The following CADM2 variants were observed in gnomAD, a reference collection of about 807,000 sequenced individuals.
CADM2 encodes immunoglobulin superfamily member 4D.
CADM2 carries 12 observed loss-of-function variants against 49.8 expected under a neutral mutation model. The ratio of observed to expected loss-of-function variants is 0.24; its 90% CI spans 0.15 to 0.39. The LOEUF (loss-of-function observed/expected upper bound fraction) is 0.39. CADM2 is among the 10% of genes least tolerant of loss of function. CADM2 has a pLI of 1.00. For missense variants in CADM2, 378 were observed against 492.3 expected, an observed-to-expected ratio of 0.77 and a Z score of 2.20; for synonymous variants, 214 against 175.4, an observed-to-expected ratio of 1.22 and a Z score of -1.74.
intron 8 of CADM2, among the ~76,000 whole-genome samples, chr3:85,977,564 T>C (rs940378180): frequency 1.3e-5 from 2 of 151,628 alleles, no homozygotes; most frequent in African/African-American, 4.8e-5. Context: ...GAAAATGTTT[T>C]CATTTACCTC....
chr3:85,669,097 A>G (rs1441370956), intron 1 of CADM2, among the ~76,000 whole-genome samples: 1 of 152,036 alleles, frequency 6.6e-6, no homozygotes, highest in Non-Finnish European at 1.5e-5. Flanking sequence ...TGTTTACTGT[A>G]CCTGTTCCTA....
chr3:85,541,775 T>TTATA lies in CADM2; in HGVS notation c.62-184731_62-184728dup, dbSNP rs10576590. 2.7e-3 allele frequency among the ~76,000 whole-genome samples: 234 copies of TTATA among 88,302 alleles called. 7 individuals carry two copies. The highest frequency in any genetic ancestry group is 7.3e-3 in the African/African-American group (224 of 30,728). The allele number at this position is 88,302 out of a possible 152,430, so 57.9% of individuals were successfully genotyped here. A position where few individuals can be genotyped will look rare whatever the true frequency, so the allele number is the denominator to read the frequency against. ...ATATTTTATATATATATTTTATATT[T>TTATA]TATATATATATATATATATGTATAG... is the stretch of plus-strand genomic sequence containing the variant. On this transcript the variant is annotated intron_variant, in intron 1 of 9. Coordinates refer to ENST00000383699, the MANE Select transcript of CADM2 (RefSeq NM_001167675.2).
intron 1 of CADM2, among the ~76,000 whole-genome samples, chr3:85,008,754 A>G (rs1448479511): frequency 1.3e-5 from 2 of 152,084 alleles, no homozygotes; most frequent in Admixed American, 6.6e-5. Flanking sequence ...ATATATATAT[A>G]ATTTATATGG....
At chr3:85,105,594 G>A (rs1485924167) in intron 1 of CADM2, among the ~76,000 whole-genome samples, 2 of 152,078 alleles carry the variant, frequency 1.3e-5, no homozygotes, top group Admixed American at 6.6e-5. Context: ...CCATTACTGG[G>A]TATATACCCA....
At chr3:85,417,949 T>C (rs536265428) in intron 1 of CADM2, among the ~76,000 whole-genome samples, 4 of 152,294 alleles carry the variant, frequency 2.6e-5, no homozygotes, top group South Asian at 2.1e-4. Flanking sequence ...TAAGTATCAA[T>C]GTTGCTGGTT....
intron 8 of CADM2, among the ~76,000 whole-genome samples, chr3:85,987,033 T>C (rs964109482): frequency 6.6e-6 from 1 of 152,132 alleles, no homozygotes; most frequent in Non-Finnish European, 1.5e-5. Context: ...ATATAACATA[T>C]CATTGGTTAT....
chr3:85,111,562 C>G (rs2038458262), intron 1 of CADM2, among the ~76,000 whole-genome samples: 2 of 151,686 alleles, frequency 1.3e-5, no homozygotes, highest in South Asian at 4.1e-4. Context: ...ATCTAAAAAT[C>G]AAATCAATTG....
rs1359006679 is a variant in CADM2, at chr3:85,103,878, G to C, written c.61+144210G>C. 3.3e-5 allele frequency among the ~76,000 whole-genome samples: 5 copies of C among 152,162 alleles called. 1 individual carries two copies. The highest frequency in any genetic ancestry group is 5.9e-5 in the Non-Finnish European group (4 of 68,028). On this transcript the variant is annotated intron_variant, in intron 1 of 9. Transcript: ENST00000383699. ...GGAATGTAGTGGGCTAGGATGACAT[G>C]TAAAGAAATTGGATTATTTTTGAGG...
chr3:85,674,914 A>G (rs4129299), intron 1 of CADM2, among the ~76,000 whole-genome samples: 26,754 of 151,976 alleles, frequency 0.18, 2,948 homozygotes, highest in Non-Finnish European at 0.24. Flanking sequence ...TTTTTCCTAT[A>G]GCGAATAATT....
At position 85,734,695 on chromosome 3, in the gene CADM2, A is replaced by G. The variant is rs929505990; in HGVS notation, c.88+8147A>G. Among the ~76,000 whole-genome samples the G allele has an allele frequency of 2.7e-5, 4 of 147,524 alleles. No homozygotes were observed. The East Asian group carries it at 7.8e-4, about 29-fold the overall frequency. ...AATATGTATATTTTAAATATAATAT[A>G]TATATTTTAAATATAATGTGTATAT... On this transcript the variant is annotated intron_variant, in intron 2 of 9. Transcript: ENST00000383699.
intron 1 of CADM2, among the ~76,000 whole-genome samples, chr3:85,274,020 G>A (rs560447379): frequency 6.6e-6 from 1 of 151,426 alleles, no homozygotes; most frequent in Non-Finnish European, 1.5e-5. Context: ...ACTACTTCAA[G>A]AAGGAGTGAG....
intron 1 of CADM2, among the ~76,000 whole-genome samples, chr3:85,428,233 A>G (rs553601303): frequency 1.1e-4 from 17 of 150,258 alleles, no homozygotes; most frequent in African/African-American, 2.2e-4. Flanking sequence ...TAAAGTGTTC[A>G]TGAAAATATA....
chr3:85,189,707 A>G (rs1301299686), intron 1 of CADM2, among the ~76,000 whole-genome samples: 1 of 152,132 alleles, frequency 6.6e-6, no homozygotes, highest in Non-Finnish European at 1.5e-5. Context: ...TGAGTCATGA[A>G]TCAAGGCATT....
At chr3:85,257,563 A>G (rs1192320793) in intron 1 of CADM2, among the ~76,000 whole-genome samples, 1 of 152,130 alleles carries the variant, frequency 6.6e-6, no homozygotes, top group African/African-American at 2.4e-5. Flanking sequence ...AATGAGAAGT[A>G]TTATTTTCAG....
chr3:85,556,326 G>T (rs1204548565), intron 1 of CADM2, among the ~76,000 whole-genome samples: 2 of 152,058 alleles, frequency 1.3e-5, no homozygotes, highest in African/African-American at 4.8e-5. Flanking sequence ...GGAGGATGAA[G>T]AAGAAGAGGA....
intron 8 of CADM2, among the ~76,000 whole-genome samples, chr3:86,019,546 T>C: frequency 6.8e-6 from 1 of 148,020 alleles, no homozygotes; most frequent in Non-Finnish European, 1.5e-5. Context: ...TATCCTCTTT[T>C]ATTTCCTTGA....
chr3:85,354,969 C>CA (rs1008156438), intron 1 of CADM2, among the ~76,000 whole-genome samples: 10 of 151,982 alleles, frequency 6.6e-5, no homozygotes, highest in Non-Finnish European at 1.2e-4. Context: ...AACCCATGTC[C>CA]AAAAAATGCC....
intron 1 of CADM2, among the ~76,000 whole-genome samples, chr3:85,003,855 A>T (rs2033593529): frequency 6.6e-6 from 1 of 152,138 alleles, no homozygotes; most frequent in East Asian, 1.9e-4. Context: ...TATGGCCTTG[A>T]AATAGATGGT....
rs369421622 is a variant in CADM2, at chr3:85,059,574, C to A, written c.61+99906C>A. Among the ~76,000 whole-genome samples the A allele has an allele frequency of 4.6e-5, 7 of 152,188 alleles. No individual in the cohort carries two copies. The South Asian group carries it at 1.0e-3, about 23-fold the overall frequency. ...AAATCTAATCTTGAATTTTAACTCC[C>A]ACAATTCCCATATGTTGTGGGAGGA... On this transcript the variant is annotated intron_variant, in intron 1 of 9. Coordinates refer to ENST00000383699, the MANE Select transcript of CADM2 (RefSeq NM_001167675.2).
Sources: gnomAD v4.1 joint callset for allele counts (sites outside exome capture counted in the v4.1 genomes callset) on GRCh38, gnomAD v4.1.1 for gene constraint, MANE v1.5 for transcripts, NCBI Gene and HGNC (gene_info 2026-07-23, HGNC 2026-07-21) for gene names.